Variants in CTBP1 observed in about 807,000 individuals in gnomAD.
CTBP1 encodes C-terminal binding protein 1.
A neutral mutation model predicts 42.1 loss-of-function variants in CTBP1; 11 were observed. That is an observed-to-expected ratio of 0.26 (90% confidence interval 0.16 to 0.43). The LOEUF is 0.43. Ranked by LOEUF, CTBP1 falls within the 20% of genes least tolerant of loss-of-function variation. The probability of loss-of-function intolerance (pLI) is 1.00; values close to 1 mark genes in which losing one functional copy is unlikely to be tolerated. For missense variants in CTBP1, 399 were observed against 624.3 expected (o/e 0.64, Z 3.85); for synonymous variants, 324 against 277.1 (o/e 1.17, Z -1.68).
chr4:1,246,514 G>A (rs953939436), intron 1 of CTBP1, among the ~76,000 whole-genome samples: 1 of 152,204 alleles, frequency 6.6e-6, no homozygotes, highest in African/African-American at 2.4e-5. Context: ...CTTTGACTTG[G>A]GCACTGCATG....
intron 5 of CTBP1, among the ~76,000 whole-genome samples, chr4:1,220,048 A>G (rs1729562222): frequency 6.6e-6 from 1 of 152,162 alleles, no homozygotes; most frequent in African/African-American, 2.4e-5. Flanking sequence ...CTAAAAATAC[A>G]AAAATTAGCC....
chr4:1,242,438 G>T, intron 1 of CTBP1: 2 of 985,462 alleles, frequency 2.0e-6, no homozygotes, highest in South Asian at 9.4e-5. Flanking sequence ...GCCAGAAGGG[G>T]CCACTCAGCC....
rs767014913 is a variant in CTBP1, at chr4:1,212,973, G to T, written c.1046C>A (p.Thr349Asn). 1 of 1,613,932 alleles carries T rather than the reference G, an allele frequency of 6.2e-7. No individual in the cohort carries two copies. The highest frequency in any genetic ancestry group is 8.5e-7 in the Non-Finnish European group (1 of 1,180,004). ...CVNKDHLTAA[T>N]HWASMDPAVV... is the part of the protein sequence containing the mutation. ...GGCGGGGTCCATGCTGGCCCAGTGG[G>T]TGGCGGCTGTCAGATGGTCCTTGTT... The change falls in exon 9 of 10, where the codon ACC becomes AAC. Residue 349 changes from threonine to asparagine, a missense_variant. Thr to Asn is a moderately conservative substitution (Grantham distance 65). Around this residue, in one of 4 missense-constraint regions of CTBP1, gnomAD observed 309 missense variants for 497.5 expected, o/e 0.62. Transcript: ENST00000382952.
chr4:1,248,903 C>T lies in CTBP1; in HGVS notation c.-189+13G>A, dbSNP rs1324975714. ...CCGCCCGCGGCCGGAAACGCGCGCGCGCGCGGCCTTACCAAGCGGCAGGCC... is the reference window on the plus strand; with the variant it reads ...CCGCCCGCGGCCGGAAACGCGCGCGTGCGCGGCCTTACCAAGCGGCAGGCC... On this transcript the variant is annotated intron_variant, in intron 1 of 9. Transcript: ENST00000382952. 1 of 985,484 alleles carries T rather than the reference C, an allele frequency of 1.0e-6. No individual in the cohort carries two copies. 61.0% of individuals were successfully genotyped at this position (985,484 alleles called of 1,614,324 possible).
intron 5 of CTBP1, chr4:1,223,471 A>C (rs1729972439): frequency 2.2e-6 from 1 of 455,616 alleles, no homozygotes; most frequent in South Asian, 1.5e-5. Context: ...GATTCCCCAA[A>C]CGCTGGCGGG....
At chr4:1,218,593 A>C (rs1213313239) in intron 5 of CTBP1, 1 of 152,290 alleles carries the variant, frequency 6.6e-6, no homozygotes, top group South Asian at 2.1e-4. Flanking sequence ...AAATTACTGA[A>C]AAATTCCTTG....
At chr4:1,247,188 G>C (rs1732801818) in intron 1 of CTBP1, among the ~76,000 whole-genome samples, 1 of 152,226 alleles carries the variant, frequency 6.6e-6, no homozygotes, top group Non-Finnish European at 1.5e-5. Flanking sequence ...ACTAACAGCT[G>C]CCCTGGTCAA....
chr4:1,225,640 C>T (rs1336121306), intron 4 of CTBP1, 74 bp from the exon 5 acceptor site: 8 of 1,433,724 alleles, frequency 5.6e-6, no homozygotes, highest in Admixed American at 2.1e-5. Flanking sequence ...GCCGCCGTGA[C>T]TGGAGCGGGT....
intron 3 of CTBP1, chr4:1,236,025 G>C (rs947008000): frequency 1.3e-5 from 2 of 152,768 alleles, no homozygotes; most frequent in Non-Finnish European, 2.9e-5. Flanking sequence ...TGGATATCCC[G>C]GCAGGGCCCC....
chr4:1,249,244 T>TGCGGGGCGGGGCGGG (rs977435321), upstream of CTBP1: 1 of 148,170 alleles, frequency 6.7e-6, no homozygotes, highest in East Asian at 2.0e-4. Context: ...GGGACGCGGC[T>TGCGGGGCGGGGCGGG]GCGGGGCGGG....
At chr4:1,212,485 C>T in intron 9 of CTBP1, 62 bp from the exon 10 acceptor site, 3 of 1,348,878 alleles carry the variant, frequency 2.2e-6, no homozygotes, top group Non-Finnish European at 2.9e-6. Flanking sequence ...GCCCCACCTG[C>T]CCTCCTAGCA....
intron 1 of CTBP1, chr4:1,241,951 C>A (rs1196232579): frequency 3.9e-6 from 4 of 1,024,970 alleles, no homozygotes. Context: ...GATTCCCGGG[C>A]CTCTGTGACC....
intron 1 of CTBP1, chr4:1,245,325 G>A (rs1341324283): frequency 8.1e-6 from 8 of 985,442 alleles, no homozygotes; most frequent in Non-Finnish European, 9.6e-6. Context: ...TTCCCTGTTT[G>A]TTCAGCGAGC....
intron 9 of CTBP1, chr4:1,212,646 G>C (rs542045601): frequency 3.3e-6 from 2 of 611,650 alleles, no homozygotes. Flanking sequence ...TGAGGTCTTC[G>C]CCTCACCCAA....
At chr4:1,246,740 G>A (rs1402252927) in intron 1 of CTBP1, among the ~76,000 whole-genome samples, 4 of 152,212 alleles carry the variant, frequency 2.6e-5, no homozygotes, top group Non-Finnish European at 5.9e-5. Context: ...ACCAGGTGTG[G>A]CTTGACGGCC....
chr4:1,230,520 G>A (rs1056231153), intron 3 of CTBP1, among the ~76,000 whole-genome samples: 1 of 152,214 alleles, frequency 6.6e-6, no homozygotes, highest in Non-Finnish European at 1.5e-5. Flanking sequence ...CCTGGTGCCA[G>A]ACGTGAGCCC....
intron 3 of CTBP1, among the ~76,000 whole-genome samples, chr4:1,229,612 G>A (rs1427424355): frequency 6.6e-6 from 1 of 152,212 alleles, no homozygotes; most frequent in Admixed American, 6.5e-5. Flanking sequence ...GATCCCGGGC[G>A]GCAGTGCCTG....
At chr4:1,236,415 C>T (rs1362080050) in intron 3 of CTBP1, 5 of 558,074 alleles carry the variant, frequency 9.0e-6, no homozygotes, top group South Asian at 6.4e-5. Context: ...TGAAGACCGC[C>T]GCGCAACTGG....
At chr4:1,243,651 C>A in intron 1 of CTBP1, 1 of 985,466 alleles carries the variant, frequency 1.0e-6, no homozygotes, top group East Asian at 1.1e-4. Context: ...TCACCTAGGG[C>A]AATGCCAGAG....
Sources: gnomAD v4.1 joint callset for allele counts (sites outside exome capture counted in the v4.1 genomes callset) on GRCh38, gnomAD v4.1.1 for gene constraint, gnomAD v4.1.1 regional missense constraint, MANE v1.5 for transcripts, NCBI Gene and HGNC (gene_info 2026-07-23, HGNC 2026-07-21) for gene names.